DNAH7: variants seen among roughly 807,000 people sequenced by gnomAD.
DNAH7 encodes the protein axonemal beta dynein heavy chain 7.
DNAH7 carries 397 observed loss-of-function variants against 444.6 expected under a neutral mutation model. The observed-to-expected ratio is 0.89, with a 90% CI of 0.82 to 0.97. The LOEUF is 0.97. Among genes scored for constraint, DNAH7 ranks in the 50% least tolerant of loss-of-function variants. The pLI is 0.00. For missense variants in DNAH7, 4,902 were observed against 4,800.8 expected (o/e 1.02, Z -0.62); for synonymous variants, 1,636 against 1,624.4 (o/e 1.01, Z -0.17).
chr2:195,859,529 C>T (rs367948523), intron 42 of DNAH7, among the ~76,000 whole-genome samples: 10 of 151,964 alleles, frequency 6.6e-5, no homozygotes, highest in African/African-American at 2.2e-4. Context: ...ACTTGATATA[C>T]CATAATGTCT....
rs118136224 is a variant in DNAH7, at chr2:196,004,872, G to A, written c.990-3014C>T. On this transcript the variant is annotated intron_variant, in intron 10 of 64. Transcript: ENST00000312428. ...GCTACACAGGAGGCTGAGGTGGGAGGATGGCTTGGGCCCAGGAGGTCAAGA... is the reference window on the plus strand; with the variant it reads ...GCTACACAGGAGGCTGAGGTGGGAGAATGGCTTGGGCCCAGGAGGTCAAGA... Among the ~76,000 whole-genome samples, 2,911 of 148,914 alleles carry A rather than the reference G, an allele frequency of 0.02. 238 individuals are homozygous for A. In the East Asian group the frequency reaches 0.27, roughly 14 times the overall value.
intron 36 of DNAH7, among the ~76,000 whole-genome samples, chr2:195,878,844 A>C (rs188621836): frequency 6.6e-6 from 1 of 152,236 alleles, no homozygotes; most frequent in Admixed American, 6.5e-5. Flanking sequence ...TCTTACCAGA[A>C]GATGGTGAAA....
At position 195,888,895 on chromosome 2, in the gene DNAH7, C is replaced by G; in HGVS notation, c.5133G>C (p.Lys1711Asn). The change falls in exon 32 of 65, where the codon AAG (lysine) becomes AAC (asparagine). Residue 1711 changes from lysine to asparagine, a missense_variant. Physicochemically the swap from Lys to Asn is moderately conservative, Grantham distance 94. Transcript: ENST00000312428. ...ENMNTVLDDN[K>N]KLCLMSGEII... is the part of the protein sequence containing the mutation. ...TCTCCCCACTCATCAGACATAGCTT[C>G]TTGTTGTCATCCAGCACAGTGTTCA... is the stretch of plus-strand genomic sequence containing the variant. The G allele has an allele frequency of 1.9e-6, 3 of 1,614,084 alleles. No homozygotes were observed. Among genetic ancestry groups the G allele is most frequent in the Non-Finnish European group, 2.5e-6 (3 of 1,179,982 alleles).
chr2:195,780,314 G>T (rs548670442), intron 58 of DNAH7, among the ~76,000 whole-genome samples: 6 of 151,682 alleles, frequency 4.0e-5, no homozygotes, highest in South Asian at 4.2e-4. Flanking sequence ...AATTTAAATG[G>T]TTATCTTCTT....
chr2:195,921,601 T>G (rs1688030017), intron 24 of DNAH7, among the ~76,000 whole-genome samples: 2 of 151,992 alleles, frequency 1.3e-5, no homozygotes, highest in African/African-American at 2.4e-5. Flanking sequence ...AGGAGAAGGG[T>G]GAGAGTGGGT....
At chr2:196,042,188 G>A (rs1696809568) in intron 5 of DNAH7, among the ~76,000 whole-genome samples, 1 of 151,854 alleles carries the variant, frequency 6.6e-6, no homozygotes, top group Non-Finnish European at 1.5e-5. Flanking sequence ...AGAATTATTA[G>A]ATTGTTGCAA....
intron 64 of DNAH7, among the ~76,000 whole-genome samples, chr2:195,740,402 A>G (rs1158729002): frequency 6.6e-6 from 1 of 152,152 alleles, no homozygotes; most frequent in African/African-American, 2.4e-5. Flanking sequence ...TGTGTATTAA[A>G]TAAGGTGTCT....
intron 18 of DNAH7, among the ~76,000 whole-genome samples, chr2:195,959,701 TTGAC>T (rs2125523497): frequency 6.6e-6 from 1 of 152,284 alleles, no homozygotes; most frequent in South Asian, 2.1e-4. Flanking sequence ...ACTGGAAACA[TTGAC>T]AGACAGCTAG....
chr2:195,806,264 G>T (rs765220988), intron 54 of DNAH7, among the ~76,000 whole-genome samples: 1 of 152,052 alleles, frequency 6.6e-6, no homozygotes, highest in Non-Finnish European at 1.5e-5. Flanking sequence ...ATTATTTAAA[G>T]AAGTTAAAAG....
intron 63 of DNAH7, among the ~76,000 whole-genome samples, chr2:195,745,019 A>T (rs1164292782): frequency 6.6e-6 from 1 of 152,256 alleles, no homozygotes; most frequent in Non-Finnish European, 1.5e-5. Flanking sequence ...GACTTTGACG[A>T]GCTGAGAGAA....
chr2:196,047,384 T>C lies in DNAH7; in HGVS notation c.366A>G (p.Glu122=), dbSNP rs181250476. The C allele has an allele frequency of 2.3e-5, 36 of 1,599,676 alleles. 1 individual carries two copies. In the Admixed American group the frequency reaches 4.7e-4, roughly 21 times the overall value. The change falls in exon 5 of 65, where the codon GAA becomes GAG. Residue 122 remains glutamate (E), a synonymous_variant. Coordinates refer to ENST00000312428, the MANE Select transcript of DNAH7 (RefSeq NM_018897.3). ...SKGKSPHKER[E]NFRSTLVNVI... is the part of the protein sequence containing the mutation. ...CATTAACAAGAGTACTTCTAAAGTT[T>C]TCTCGTTCTTTATGTGGAGATTTGC... is the stretch of plus-strand genomic sequence containing the variant.
In DNAH7 at chr2:195,884,116, G is replaced by C. The variant is rs182970438; in HGVS notation, c.5763+469C>G. On this transcript the variant is annotated intron_variant, in intron 35 of 64. Transcript: ENST00000312428. ...CTTGGTCCTCAGTACAATACTTGTGGGTGGGAGTTGTTATACAAAAACCAC... is the reference window on the plus strand; with the variant it reads ...CTTGGTCCTCAGTACAATACTTGTGCGTGGGAGTTGTTATACAAAAACCAC... 1.5e-3 allele frequency among the ~76,000 whole-genome samples: 223 copies of C among 152,178 alleles called. 1 individual carries two copies. Among genetic ancestry groups the C allele is most frequent in the Non-Finnish European group, 2.7e-3 (185 of 68,006 alleles).
intron 63 of DNAH7, among the ~76,000 whole-genome samples, chr2:195,745,780 C>T (rs1345506934): frequency 6.6e-6 from 1 of 152,162 alleles, no homozygotes; most frequent in African/African-American, 2.4e-5. Context: ...AAATAAAATA[C>T]TTTACCGACA....
intron 24 of DNAH7, among the ~76,000 whole-genome samples, chr2:195,916,669 CTAAAATGCT>C (rs1687699526): frequency 6.6e-6 from 1 of 152,046 alleles, no homozygotes; most frequent in Non-Finnish European, 1.5e-5. Flanking sequence ...ACCAGCCTGG[CTAAAATGCT>C]GAAACCCCAT....
At chr2:196,049,418 G>A (rs1357235023) in intron 3 of DNAH7, among the ~76,000 whole-genome samples, 2 of 152,170 alleles carry the variant, frequency 1.3e-5, no homozygotes, top group Non-Finnish European at 2.9e-5. Flanking sequence ...CAGAAAGGGT[G>A]AGAATCAGGT....
intron 63 of DNAH7, among the ~76,000 whole-genome samples, chr2:195,753,009 G>A (rs940900481): frequency 1.3e-5 from 2 of 152,150 alleles, no homozygotes; most frequent in Non-Finnish European, 2.9e-5. Flanking sequence ...CAATTGAAAT[G>A]GCTGATTTAA....
At chr2:195,998,356 C>T (rs560246138) in intron 12 of DNAH7, among the ~76,000 whole-genome samples, 36 of 152,156 alleles carry the variant, frequency 2.4e-4, no homozygotes, top group African/African-American at 7.5e-4. Flanking sequence ...GGGCGGATCA[C>T]GAGGTCAGGA....
intron 59 of DNAH7, among the ~76,000 whole-genome samples, chr2:195,776,405 T>C (rs1216806012): frequency 6.6e-6 from 1 of 150,888 alleles, no homozygotes; most frequent in Non-Finnish European, 1.5e-5. Context: ...ATTGCACCAT[T>C]ACACTCCAGC....
At chr2:195,742,965 T>C (rs1371881064) in intron 63 of DNAH7, among the ~76,000 whole-genome samples, 1 of 152,182 alleles carries the variant, frequency 6.6e-6, no homozygotes, top group Non-Finnish European at 1.5e-5. Context: ...GTCAATTGGA[T>C]TGGGAGAGGC....
Sources: gnomAD v4.1 joint callset for allele counts (sites outside exome capture counted in the v4.1 genomes callset) on GRCh38, gnomAD v4.1.1 for gene constraint, MANE v1.5 for transcripts, NCBI Gene and HGNC (gene_info 2026-07-23, HGNC 2026-07-21) for gene names.